Variants in WASHC4 observed in about 807,000 individuals in gnomAD.
WASHC4 encodes WASH complex subunit 4.
Under a neutral mutation model 166.6 loss-of-function variants are expected in WASHC4, and 86 were observed. The observed-to-expected ratio is 0.52, with a 90% confidence interval of 0.43 to 0.62. The LOEUF (loss-of-function observed/expected upper bound fraction) is 0.62. Among genes scored for constraint, WASHC4 ranks in the 20% least tolerant of loss-of-function variants. WASHC4 has a pLI of 0.00. For missense variants in WASHC4, 1,262 were observed against 1,382.4 expected, an observed-to-expected ratio of 0.91 and a Z score of 1.38; for synonymous variants, 446 against 451.6, an observed-to-expected ratio of 0.99 and a Z score of 0.16.
rs74998983 is a variant in WASHC4, at chr12:105,134,738, G to C, written c.1326+842G>C. Among the ~76,000 whole-genome samples the C allele has an allele frequency of 2.9e-3, 438 of 151,570 alleles. 18 individuals carry two copies. In the East Asian group the frequency reaches 0.073, roughly 25 times the overall value. ...TCCTTATAGTTAATGTGTGTCTTCC[G>C]TAAGTAACGTATATTTTTCTCCTAT... On this transcript the variant is annotated intron_variant, in intron 14 of 32. Coordinates refer to ENST00000332180, the MANE Select transcript of WASHC4 (RefSeq NM_015275.3).
At chr12:105,133,971 A>AC in intron 14 of WASHC4, 75 bp downstream of exon 14, 3 of 1,376,756 alleles carry the variant, frequency 2.2e-6, no homozygotes, top group Non-Finnish European at 3.1e-6. Context: ...AAAAAACTGA[A>AC]CAAAGGGTAG....
intron 14 of WASHC4, 48 bp downstream of exon 14, chr12:105,133,944 AC>A: frequency 1.9e-6 from 3 of 1,578,118 alleles, no homozygotes; most frequent in Non-Finnish European, 2.6e-6. Context: ...AATCCAACTT[AC>A]AGAAGTTAAA....
Position 105,115,203 on chromosome 12 carries a change from A to G in WASHC4, c.341A>G (p.Asn114Ser), listed in dbSNP as rs1271865057. The change falls in exon 5 of 33, where the codon AAT (asparagine) becomes AGT (serine). Residue 114 changes from asparagine to serine, a missense_variant. Transcript: ENST00000332180. ...AAACAGGCTGAAACTAAATTTTACA[A>G]TGGTCTCTTGTTTTATGGAGAAGGA... is the stretch of plus-strand genomic sequence containing the variant. ...LKYEAETKFY[N>S]GLLFYGEGAT... is the part of the protein sequence containing the mutation. 8.3e-6 allele frequency: 13 copies of G among 1,557,998 alleles called. No individual in the cohort carries two copies. The highest frequency in any genetic ancestry group is 7.8e-5 in the South Asian group (7 of 89,416).
intron 24 of WASHC4, 171 bp downstream of exon 24, chr12:105,147,317 G>A (rs565036097): frequency 1.5e-5 from 9 of 614,394 alleles, no homozygotes; most frequent in Non-Finnish European, 2.6e-5. Context: ...AATTGTGTTG[G>A]ATGTGATGGG....
intron 29 of WASHC4, 98 bp downstream of exon 29, chr12:105,160,246 C>T (rs1884413341): frequency 1.0e-6 from 1 of 966,370 alleles, no homozygotes; most frequent in Non-Finnish European, 1.6e-6. Flanking sequence ...ACAGACTACA[C>T]TATTAATTTC....
rs1032261245 is a variant in WASHC4, at chr12:105,126,334, A to G, written c.1010A>G (p.Tyr337Cys). 3.1e-6 allele frequency: 5 copies of G among 1,591,168 alleles called. No homozygotes were observed. The highest frequency in any genetic ancestry group is 4.3e-6 in the Non-Finnish European group (5 of 1,160,504). Residue 337 changes from tyrosine (Y) to cysteine (C), a missense_variant, in exon 12 of 33, where the codon TAT (tyrosine) becomes TGT (cysteine). By Grantham distance (194) the Tyr-to-Cys change is radical (BLOSUM62 -2). Coordinates refer to ENST00000332180, the MANE Select transcript of WASHC4 (RefSeq NM_015275.3). The stretch of plus-strand genomic sequence containing the variant: ...TTTCGAACTATTGATAAAAAGTTTT[A>G]TAAGTCTTTATTGGACATTTGTAAG... ...QIFRTIDKKF[Y>C]KSLLDICKKV...
intron 26 of WASHC4, among the ~76,000 whole-genome samples, chr12:105,153,461 T>C (rs766649448): frequency 1.2e-4 from 18 of 152,244 alleles, no homozygotes; most frequent in Non-Finnish European, 1.9e-4. Context: ...TTGTAAATGT[T>C]TTATTATAAA....
At chr12:105,112,193 T>C (rs1879756338) in intron 2 of WASHC4, among the ~76,000 whole-genome samples, 1 of 152,224 alleles carries the variant, frequency 6.6e-6, no homozygotes, top group Admixed American at 6.5e-5. Flanking sequence ...ACTTATGTTT[T>C]CAAGGCTCAT....
chr12:105,141,206 G>A lies in WASHC4; in HGVS notation c.1747G>A (p.Val583Ile), dbSNP rs1324588244. 1.2e-6 allele frequency: 2 copies of A among 1,613,446 alleles called. No individual in the cohort carries two copies. Among genetic ancestry groups the A allele is most frequent in the East Asian group, 2.2e-5 (1 of 44,872 alleles). The change falls in exon 18 of 33, where the codon GTC (valine) becomes ATC (isoleucine). Residue 583 changes from valine (V) to isoleucine (I), a missense_variant. Coordinates refer to ENST00000332180, the MANE Select transcript of WASHC4 (RefSeq NM_015275.3). ...TGAAGAACTCTTTCCACTTCAAGTA[G>A]TCATGAAAAAACTGGATCTTATTAG... ...KDEELFPLQVVMKKLDLISEL... is the reference protein window; with the variant it reads ...KDEELFPLQVIMKKLDLISEL...
At chr12:105,128,803 G>A (rs978473210) in intron 13 of WASHC4, among the ~76,000 whole-genome samples, 5 of 151,040 alleles carry the variant, frequency 3.3e-5, no homozygotes, top group Admixed American at 2.0e-4. Context: ...TTTAGAGACC[G>A]AGTCTCGCTC....
At chr12:105,114,606 A>G (rs1880007506) in intron 4 of WASHC4, among the ~76,000 whole-genome samples, 179 bp downstream of exon 4, 1 of 152,026 alleles carries the variant, frequency 6.6e-6, no homozygotes, top group African/African-American at 2.4e-5. Flanking sequence ...ACACCAGGCT[A>G]ACACTGTAAT....
intron 1 of WASHC4, among the ~76,000 whole-genome samples, chr12:105,108,572 C>T (rs988343951): frequency 1.3e-5 from 2 of 152,194 alleles, no homozygotes; most frequent in African/African-American, 4.8e-5. Context: ...ACTTAGAAGT[C>T]TATCCCGAAA....
intron 7 of WASHC4, among the ~76,000 whole-genome samples, chr12:105,118,914 G>A (rs894725166): frequency 6.6e-6 from 1 of 152,162 alleles, no homozygotes; most frequent in South Asian, 2.1e-4. Flanking sequence ...TGGAGCTAGG[G>A]AATCTACATT....
At chr12:105,125,004 G>A (rs1030137465) in intron 10 of WASHC4, among the ~76,000 whole-genome samples, 1 of 152,224 alleles carries the variant, frequency 6.6e-6, no homozygotes, top group African/African-American at 2.4e-5. Flanking sequence ...ATATCAGACA[G>A]CACAGATACA....
intron 25 of WASHC4, among the ~76,000 whole-genome samples, chr12:105,151,199 C>G (rs1013321916): frequency 1.3e-5 from 2 of 148,846 alleles, no homozygotes; most frequent in African/African-American, 4.9e-5. Context: ...ACCTTCCAGG[C>G]TGAGTTTTCC....
At chr12:105,143,975 T>C (rs951332231) in intron 20 of WASHC4, among the ~76,000 whole-genome samples, 26 of 151,934 alleles carry the variant, frequency 1.7e-4, no homozygotes, top group African/African-American at 6.3e-4. Context: ...TTAACAGTTA[T>C]TACAAGGAAG....
chr12:105,164,164 C>T lies in WASHC4; in HGVS notation c.3211C>T (p.His1071Tyr), dbSNP rs1241318924. 2.0e-5 allele frequency: 33 copies of T among 1,613,986 alleles called. No homozygotes were observed. Among genetic ancestry groups the T allele is most frequent in the Non-Finnish European group, 2.7e-5 (32 of 1,179,984 alleles). Residue 1071 changes from histidine (H) to tyrosine (Y), a missense_variant, in exon 31 of 33, where the codon CAC becomes TAC. Physicochemically the swap from His to Tyr is moderately conservative, Grantham distance 83. Transcript: ENST00000332180. ...TCAGTATCGGGAGTTTGATTCACTTCACTGGTTCCAGTCTGTTAGAGAGAA... is the reference window on the plus strand; with the variant it reads ...TCAGTATCGGGAGTTTGATTCACTTTACTGGTTCCAGTCTGTTAGAGAGAA... ...LDQYREFDSLHWFQSVREKYL... is the reference protein window; with the variant it reads ...LDQYREFDSLYWFQSVREKYL...
intron 10 of WASHC4, among the ~76,000 whole-genome samples, chr12:105,124,836 G>T (rs117878450): frequency 0.012 from 1,873 of 152,144 alleles, 20 homozygotes; most frequent in Non-Finnish European, 0.022. Flanking sequence ...CTAGGCCCAG[G>T]GAATGTAATT....
rs564696495 is a variant in WASHC4, at chr12:105,167,348, A to G, written c.*417A>G. On this transcript the variant is annotated 3_prime_UTR_variant, in exon 33 of 33. Coordinates refer to ENST00000332180, the MANE Select transcript of WASHC4 (RefSeq NM_015275.3). ...TATACAGCCAGTAAATACATGCTTA[A>G]CAAAAGGAATGAGCCTGAAGTTCAT... The G allele has an allele frequency of 1.1e-5, 2 of 176,364 alleles. No individual in the cohort carries two copies. Among genetic ancestry groups the G allele is most frequent in the African/African-American group, 4.8e-5 (2 of 42,008 alleles). The allele number at this position is 176,364 out of a possible 1,614,324, so 10.9% of individuals were successfully genotyped here.
Sources: allele counts gnomAD v4.1 joint callset (sites outside exome capture counted in the v4.1 genomes callset), GRCh38; gene constraint gnomAD v4.1.1; transcripts MANE v1.5; gene names NCBI Gene and HGNC (gene_info 2026-07-23, HGNC 2026-07-21).